TRPC5OS: variants seen among roughly 807,000 people sequenced by gnomAD.
TRPC5OS encodes putative uncharacterized protein TRPC5OS.
For missense variants in TRPC5OS, 64 were observed against 79.3 expected (o/e 0.81, Z 0.73); for synonymous variants, 30 against 29.3 (o/e 1.02, Z -0.08).
intron 1 of TRPC5OS, among the ~76,000 whole-genome samples, chrX:111,887,225 G>C (rs1259012586): frequency 8.9e-6 from 1 of 112,661 alleles, no homozygotes; most frequent in African/African-American, 3.2e-5. Context: ...GCCAGAGGAA[G>C]GCAGAGCTAG....
intron 1 of TRPC5OS, among the ~76,000 whole-genome samples, chrX:111,895,517 T>A (rs1013939076): frequency 9.0e-6 from 1 of 111,645 alleles, no homozygotes; most frequent in Non-Finnish European, 1.9e-5. Flanking sequence ...AATTAATTAA[T>A]CTTTTCTTTC....
chrX:111,900,560 G>A (rs1404659919), intron 3 of TRPC5OS, among the ~76,000 whole-genome samples: 1 of 111,343 alleles, frequency 9.0e-6, no homozygotes, highest in Non-Finnish European at 1.9e-5. Flanking sequence ...AATCTATTTG[G>A]AATGAGAGGG....
chrX:111,888,087 T>G (rs1924591462), intron 1 of TRPC5OS, among the ~76,000 whole-genome samples: 1 of 111,028 alleles, frequency 9.0e-6, no homozygotes, highest in Admixed American at 9.6e-5. Context: ...AGGTGAGGGA[T>G]TTAGCTCTTT....
At chrX:111,878,119 A>C (rs1924042458) in intron 1 of TRPC5OS, among the ~76,000 whole-genome samples, 2 of 110,712 alleles carry the variant, frequency 1.8e-5, no homozygotes, top group Middle Eastern at 4.8e-3. Flanking sequence ...ACATCAGCTC[A>C]AGATCCAACT....
intron 3 of TRPC5OS, among the ~76,000 whole-genome samples, chrX:111,901,205 C>T (rs1256392742): frequency 1.8e-5 from 2 of 111,606 alleles, no homozygotes; most frequent in African/African-American, 6.5e-5. Context: ...TTCAGCAGCA[C>T]CCAGATATAA....
At position 111,901,855 on chromosome X, in the gene TRPC5OS, T is replaced by A. The variant is rs906166753; in HGVS notation, c.6T>A (p.Asp2Glu). 8.8e-7 allele frequency: 1 copy of A among 1,131,205 alleles called. No homozygotes were observed. Among genetic ancestry groups the A allele is most frequent in the African/African-American group, 1.8e-5 (1 of 54,842 alleles). The allele number at this position is 1,131,205 out of a possible 1,213,427, so 93.2% of individuals were successfully genotyped here. A position where few individuals can be genotyped will look rare whatever the true frequency, so the allele number is the denominator to read the frequency against. ...ATTTAGAAGAGCACTGCAGCATGGA[T>A]TCTGTGTTAATTCATGTACTCATTG... is the stretch of plus-strand genomic sequence containing the variant. Reference protein sequence around the residue: MDSVLIHVLIDG... With the variant: MESVLIHVLIDG... The change falls in exon 4 of 4, where the codon GAT becomes GAA. Residue 2 changes from aspartate to glutamate, a missense_variant. Asp to Glu is a conservative substitution (Grantham distance 45, BLOSUM62 2). Transcript: ENST00000635763.
intron 1 of TRPC5OS, among the ~76,000 whole-genome samples, chrX:111,882,629 G>A (rs954206347): frequency 2.6e-4 from 29 of 113,005 alleles, no homozygotes; most frequent in Middle Eastern, 4.6e-3. Flanking sequence ...CCATGAACTT[G>A]GCCAAGACCA....
chrX:111,888,449 C>T (rs1272183113), intron 1 of TRPC5OS, among the ~76,000 whole-genome samples: 2 of 100,734 alleles, frequency 2.0e-5, no homozygotes, highest in Admixed American at 1.1e-4. Flanking sequence ...CCGAGGCGGG[C>T]GGATCACGAG....
chrX:111,893,080 T>G (rs1406167066), intron 1 of TRPC5OS, among the ~76,000 whole-genome samples: 4 of 76,781 alleles, frequency 5.2e-5, no homozygotes, highest in African/African-American at 1.5e-4. Context: ...AAATATAGGG[T>G]TTTTTTTTTT....
intron 1 of TRPC5OS, among the ~76,000 whole-genome samples, chrX:111,877,397 T>C (rs1442319027): frequency 9.0e-6 from 1 of 111,398 alleles, no homozygotes; most frequent in African/African-American, 3.3e-5. Flanking sequence ...TTCATTTTAG[T>C]TGTGGTGACT....
At chrX:111,877,136 T>G (rs1923987589) in intron 1 of TRPC5OS, among the ~76,000 whole-genome samples, 1 of 111,638 alleles carries the variant, frequency 9.0e-6, no homozygotes, top group Admixed American at 9.6e-5. Context: ...GTGGACTGAT[T>G]GAGTCTACTG....
intron 1 of TRPC5OS, among the ~76,000 whole-genome samples, chrX:111,890,636 C>T (rs1352869763): frequency 1.8e-5 from 2 of 111,640 alleles, no homozygotes; most frequent in Non-Finnish European, 3.8e-5. Context: ...TGGAGGTTCC[C>T]AGAGCATCAT....
chrX:111,898,888 A>G (rs897217338), intron 3 of TRPC5OS, among the ~76,000 whole-genome samples: 1 of 109,987 alleles, frequency 9.1e-6, no homozygotes, highest in Non-Finnish European at 1.9e-5. Context: ...ACCAAGGAGA[A>G]AGGGATCCCA....
chrX:111,894,235 C>G (rs1924953145), intron 1 of TRPC5OS, among the ~76,000 whole-genome samples: 1 of 111,324 alleles, frequency 9.0e-6, no homozygotes, highest in African/African-American at 3.3e-5. Flanking sequence ...AAAGATAGAC[C>G]CAGAGGATTT....
chrX:111,877,894 G>C (rs1924030544), intron 1 of TRPC5OS, among the ~76,000 whole-genome samples: 1 of 111,363 alleles, frequency 9.0e-6, no homozygotes, highest in African/African-American at 3.3e-5. Context: ...AGTCAATAAA[G>C]AGCGAAATTT....
At chrX:111,887,747 A>T (rs1603077848) in intron 1 of TRPC5OS, among the ~76,000 whole-genome samples, 1 of 112,275 alleles carries the variant, frequency 8.9e-6, no homozygotes, top group African/African-American at 3.2e-5. Context: ...GTAAGGAATT[A>T]TTAGTCCTTA....
intron 1 of TRPC5OS, among the ~76,000 whole-genome samples, chrX:111,893,698 T>G (rs901246293): frequency 8.9e-6 from 1 of 111,812 alleles, no homozygotes; most frequent in Admixed American, 9.5e-5. Flanking sequence ...GAAGGGGCCA[T>G]GTTTAGCTCC....
intron 1 of TRPC5OS, among the ~76,000 whole-genome samples, chrX:111,892,398 A>T (rs1217553261): frequency 2.7e-5 from 3 of 112,048 alleles, no homozygotes; most frequent in Non-Finnish European, 5.6e-5. Flanking sequence ...GTTTCTAAAG[A>T]TTTAATGCTT....
chrX:111,879,307 G>A (rs1223873556), intron 1 of TRPC5OS, among the ~76,000 whole-genome samples: 2 of 112,131 alleles, frequency 1.8e-5, no homozygotes, highest in Admixed American at 9.5e-5. Flanking sequence ...TCTTCAGGTT[G>A]AACTTGAAAT....
Sources: gnomAD v4.1 joint callset for allele counts (sites outside exome capture counted in the v4.1 genomes callset) on GRCh38, gnomAD v4.1.1 for gene constraint, MANE v1.5 for transcripts, NCBI Gene and HGNC (gene_info 2026-07-23, HGNC 2026-07-21) for gene names.